Variants in BDNF observed in about 807,000 individuals in gnomAD.
BDNF encodes brain derived neurotrophic factor.
Under a neutral mutation model 19.5 loss-of-function variants are expected in BDNF, and 1 was observed. The ratio of observed to expected loss-of-function variants is 0.05; its 90% CI spans 0.02 to 0.24. BDNF has a LOEUF of 0.24. Among genes scored for constraint, BDNF ranks in the 10% least tolerant of loss-of-function variants. BDNF has a pLI of 1.00. For synonymous variants in BDNF, 100 were observed against 121.6 expected (o/e 0.82, Z 1.17); for missense variants, 195 against 317.6 (o/e 0.61, Z 2.93).
At chr11:27,686,993 G>A (rs1357333244) in intron 1 of BDNF, among the ~76,000 whole-genome samples, 2 of 152,120 alleles carry the variant, frequency 1.3e-5, no homozygotes, top group East Asian at 3.9e-4. Flanking sequence ...AATATCCTAA[G>A]GAGTGTTTTC....
chr11:27,720,460 C>CA, intron 1 of BDNF: 1 of 985,886 alleles, frequency 1.0e-6, no homozygotes, highest in African/African-American at 1.7e-5. Flanking sequence ...TTCCAGCCTA[C>CA]ACCGCTAGGA....
At chr11:27,707,153 C>A (rs1860142509) in intron 1 of BDNF, among the ~76,000 whole-genome samples, 1 of 152,176 alleles carries the variant, frequency 6.6e-6, no homozygotes, top group Non-Finnish European at 1.5e-5. Flanking sequence ...TGAACCATTT[C>A]TTTTCATTTG....
In BDNF at chr11:27,659,477, A is replaced by T. The variant is rs1007415214; in HGVS notation, c.-21-892T>A. On this transcript the variant is annotated intron_variant, in intron 1 of 1. Coordinates refer to ENST00000356660, the MANE Select transcript of BDNF (RefSeq NM_001709.5). Reference sequence around the variant, plus strand: ...AAAACTGAAAAAGTCAGCATTAAAAAGACATTTAAGTCCATTTCAAATGCC... The same window carrying T: ...AAAACTGAAAAAGTCAGCATTAAAATGACATTTAAGTCCATTTCAAATGCC... The T allele has an allele frequency of 3.0e-6, 3 of 1,000,254 alleles. No individual in the cohort carries two copies. In the Admixed American group the frequency reaches 1.8e-4, roughly 61 times the overall value. 62.0% of individuals were successfully genotyped at this position (1,000,254 alleles called of 1,614,324 possible).
In BDNF at chr11:27,657,544, C is replaced by A; in HGVS notation, c.*277G>T. ...GCATGCAATTTATTATTTTTTTTAA[C>A]TTTTTATGTTTTCAGTTCTTGGCAA... On this transcript the variant is annotated 3_prime_UTR_variant, in exon 2 of 2. Coordinates refer to ENST00000356660, the MANE Select transcript of BDNF (RefSeq NM_001709.5). This position sits in a 1 kb window ranked among gnomAD's most constrained non-coding sequence, Gnocchi z 5.0. 8.6e-7 allele frequency: 1 copy of A among 1,162,196 alleles called. No homozygotes were observed. Among genetic ancestry groups the A allele is most frequent in the Non-Finnish European group, 1.1e-6 (1 of 940,692 alleles). 72.0% of individuals were successfully genotyped at this position (1,162,196 alleles called of 1,614,324 possible).
chr11:27,701,912 G>A (rs1305839826), upstream of BDNF, among the ~76,000 whole-genome samples: 1 of 152,110 alleles, frequency 6.6e-6, no homozygotes, highest in Non-Finnish European at 1.5e-5. Context: ...TAACCAGAGT[G>A]GGGGTAGGTG....
At chr11:27,680,216 A>G (rs1194206653) in intron 1 of BDNF, among the ~76,000 whole-genome samples, 2 of 152,248 alleles carry the variant, frequency 1.3e-5, no homozygotes, top group African/African-American at 2.4e-5. Context: ...CCAAAAACCA[A>G]CAATACAGTG....
At chr11:27,717,035 C>G (rs1860540641) in intron 1 of BDNF, among the ~76,000 whole-genome samples, 1 of 152,086 alleles carries the variant, frequency 6.6e-6, no homozygotes, top group African/African-American at 2.4e-5. Context: ...AATGTTGTTT[C>G]TTACTAAAGC....
At chr11:27,685,349 T>C (rs538820685) in intron 1 of BDNF, among the ~76,000 whole-genome samples, 1 of 152,320 alleles carries the variant, frequency 6.6e-6, no homozygotes, top group Admixed American at 6.5e-5. Context: ...AAAAACCAGC[T>C]TCTGGATTCA....
At chr11:27,703,449 A>G (rs1021076648), upstream of BDNF, among the ~76,000 whole-genome samples, 1 of 152,208 alleles carries the variant, frequency 6.6e-6, no homozygotes, top group Non-Finnish European at 1.5e-5. Context: ...TCCTGAAAAA[A>G]TACCTGGCAA....
chr11:27,660,786 AAG>A (rs1410497412), intron 1 of BDNF, among the ~76,000 whole-genome samples: 2 of 151,696 alleles, frequency 1.3e-5, no homozygotes, highest in Non-Finnish European at 2.9e-5. Context: ...AAAAAAAAAA[AAG>A]AATTAATGAA....
chr11:27,718,651 C>A (rs1313158010), intron 1 of BDNF, among the ~76,000 whole-genome samples: 1 of 149,986 alleles, frequency 6.7e-6, no homozygotes, highest in Admixed American at 6.6e-5. Context: ...CCATTCGCTG[C>A]AGGCTTGCTC....
chr11:27,709,119 G>A (rs573554140), intron 1 of BDNF, among the ~76,000 whole-genome samples: 20 of 152,236 alleles, frequency 1.3e-4, no homozygotes, highest in African/African-American at 3.4e-4. Flanking sequence ...ATGAGCCACC[G>A]CGCCTGGCTA....
chr11:27,682,065 T>C (rs1001980894), intron 1 of BDNF, among the ~76,000 whole-genome samples: 3 of 152,142 alleles, frequency 2.0e-5, no homozygotes, highest in African/African-American at 7.2e-5. Context: ...AATGTCTGAA[T>C]TTCTGATTAT....
intron 1 of BDNF, among the ~76,000 whole-genome samples, chr11:27,689,162 G>A (rs1199370397): frequency 6.6e-6 from 1 of 152,156 alleles, no homozygotes; most frequent in Non-Finnish European, 1.5e-5. Flanking sequence ...TCACATTAAT[G>A]CATCAAGGGC....
At chr11:27,718,694 C>T (rs986224868) in intron 1 of BDNF, among the ~76,000 whole-genome samples, 1 of 151,846 alleles carries the variant, frequency 6.6e-6, no homozygotes, top group Non-Finnish European at 1.5e-5. Context: ...CTTTGTGTGC[C>T]GAGCAGCCTA....
At chr11:27,698,304 A>G (rs1467740955) in intron 1 of BDNF, 1 of 146,918 alleles carries the variant, frequency 6.8e-6, no homozygotes, top group Non-Finnish European at 1.5e-5. Context: ...ACAGGAGTTT[A>G]GTGATTGTTT....
chr11:27,701,122 G>T, upstream of BDNF: 2 of 1,281,266 alleles, frequency 1.6e-6, no homozygotes, highest in Non-Finnish European at 2.1e-6. Flanking sequence ...TGCCTAATAG[G>T]AATTCAATCA....
At chr11:27,708,498 T>A (rs1322177000) in intron 1 of BDNF, among the ~76,000 whole-genome samples, 2 of 151,506 alleles carry the variant, frequency 1.3e-5, no homozygotes, top group African/African-American at 4.8e-5. Flanking sequence ...TTTTTTCTAA[T>A]TTTTTTTTAT....
In BDNF at chr11:27,720,235, C is replaced by CT. The variant is rs1302765349; in HGVS notation, c.3+1176dup. The CT allele has an allele frequency of 2.2e-5, 17 of 776,002 alleles. No individual in the cohort carries two copies. In the African/African-American group the frequency reaches 3.0e-4, roughly 14 times the overall value. 48.1% of individuals were successfully genotyped at this position (776,002 alleles called of 1,614,324 possible). A position where few individuals can be genotyped will look rare whatever the true frequency, so the allele number is the denominator to read the frequency against. The stretch of plus-strand genomic sequence containing the variant: ...TGGGCAAATACCAAGAAACAACCCC[C>CT]TCTCATGCTCTCCCTCTACCTCCTC... On this transcript the variant is annotated intron_variant, in intron 1 of 1. Coordinates refer to the BDNF transcript ENST00000314915.
Sources: allele counts gnomAD v4.1 joint callset (sites outside exome capture counted in the v4.1 genomes callset), GRCh38; gene constraint gnomAD v4.1.1; non-coding constraint Gnocchi (gnomAD v3.1); transcripts MANE v1.5; gene names NCBI Gene and HGNC (gene_info 2026-07-23, HGNC 2026-07-21).